The following FBXO21 variants were observed in gnomAD, a reference collection of about 807,000 sequenced individuals.
The protein encoded by FBXO21 is F-box protein 21.
A neutral mutation model predicts 76.6 loss-of-function variants in FBXO21; 32 were observed. The ratio of observed to expected loss-of-function variants is 0.42; its 90% CI spans 0.32 to 0.56. FBXO21 has a LOEUF of 0.56. FBXO21 is among the 20% of genes least tolerant of loss of function. FBXO21 has a pLI of 0.16. For synonymous variants in FBXO21, 328 were observed against 311.5 expected (o/e 1.05, Z -0.56); for missense variants, 586 against 797.3 (o/e 0.73, Z 3.19).
intron 9 of FBXO21, among the ~76,000 whole-genome samples, chr12:117,164,545 G>A (rs1956028695): frequency 6.6e-6 from 1 of 152,032 alleles, no homozygotes; most frequent in African/African-American, 2.4e-5. Flanking sequence ...CAAAGTGCTG[G>A]GATTACAGGC....
In FBXO21 at chr12:117,165,549, T is replaced by G. The variant is rs1277875593; in HGVS notation, c.1262A>C (p.Asp421Ala). 4 of 1,613,884 alleles carry G rather than the reference T, an allele frequency of 2.5e-6. No homozygotes were observed. In the African/African-American group the frequency reaches 5.3e-5, roughly 22 times the overall value. The stretch of plus-strand genomic sequence containing the variant: ...TTGGAGGAGGAGAAGCTGCACCTGG[T>G]CCGGGTACATTGCCAGATAGAGATC... ...SLDLYLAMYP[D>A]QVQLLLLQAR... The change falls in exon 9 of 12, where the codon GAC becomes GCC. Residue 421 changes from aspartate (D) to alanine (A), a missense_variant. Around this residue, in one of 6 missense-constraint regions of FBXO21, gnomAD observed 14 missense variants for 18.3 expected, o/e 0.76. Coordinates refer to ENST00000622495, the MANE Select transcript of FBXO21 (RefSeq NM_015002.3).
intron 7 of FBXO21, among the ~76,000 whole-genome samples, chr12:117,172,173 A>T (rs1479772339): frequency 6.6e-6 from 1 of 152,236 alleles, no homozygotes; most frequent in Non-Finnish European, 1.5e-5. Context: ...CTTATTTTTT[A>T]AAATTAAACT....
At chr12:117,174,145 GA>G (rs1041841480) in intron 6 of FBXO21, 59 bp downstream of exon 6, 60 of 1,384,368 alleles carry the variant, frequency 4.3e-5, no homozygotes, top group Middle Eastern at 2.0e-4. Context: ...TCTAAAAACA[GA>G]AAAAAAAAGT....
chr12:117,179,181 T>C (rs1956204919), intron 3 of FBXO21, among the ~76,000 whole-genome samples: 1 of 152,230 alleles, frequency 6.6e-6, no homozygotes, highest in Non-Finnish European at 1.5e-5. Context: ...TTGTAAAATA[T>C]ATCAATCTAG....
At position 117,190,381 on chromosome 12, in the gene FBXO21, C is replaced by T; in HGVS notation, c.76G>A (p.Gly26Ser). The T allele has an allele frequency of 6.6e-7, 1 of 1,508,526 alleles. No individual in the cohort carries two copies. Among genetic ancestry groups the T allele is most frequent in the Non-Finnish European group, 8.8e-7 (1 of 1,137,310 alleles). The allele number at this position is 1,508,526 out of a possible 1,614,324, so 93.4% of individuals were successfully genotyped here. ...GGCAGGTTGACGAGGCAGCTGAGGC[C>T]CGCTACCTCCGGCGCGGCCTCCTCC... is the stretch of plus-strand genomic sequence containing the variant. ...LAEEAAPEVAGLSCLVNLPGE... is the reference protein window; with the variant it reads ...LAEEAAPEVASLSCLVNLPGE... The change falls in exon 1 of 12, where the codon GGC becomes AGC. Residue 26 changes from glycine to serine, a missense_variant. Physicochemically the swap from Gly to Ser is moderately conservative, Grantham distance 56. Around this residue, in one of 6 missense-constraint regions of FBXO21, gnomAD observed 152 missense variants for 127.2 expected, o/e 1.19. Transcript: ENST00000622495.
chr12:117,166,872 G>C, intron 8 of FBXO21, 26 bp downstream of exon 8: 1 of 1,605,154 alleles, frequency 6.2e-7, no homozygotes, highest in East Asian at 2.2e-5. Flanking sequence ...CTCTGCAGAA[G>C]TACTAGAAAA....
intron 3 of FBXO21, among the ~76,000 whole-genome samples, chr12:117,179,742 T>C (rs1009094900): frequency 2.0e-5 from 3 of 152,228 alleles, no homozygotes; most frequent in Admixed American, 2.0e-4. Flanking sequence ...GATCTGTTCA[T>C]TCATTTGAGG....
At chr12:117,159,017 C>G (rs77962678) in intron 9 of FBXO21, among the ~76,000 whole-genome samples, 1 of 152,224 alleles carries the variant, frequency 6.6e-6, no homozygotes, top group African/African-American at 2.4e-5. Context: ...CCAGATCGGT[C>G]AGACTAGCTG....
chr12:117,178,304 C>A (rs917099525), intron 3 of FBXO21, among the ~76,000 whole-genome samples: 2 of 152,110 alleles, frequency 1.3e-5, no homozygotes, highest in Non-Finnish European at 2.9e-5. Context: ...CAAATTACAT[C>A]CAAAATGTGC....
chr12:117,180,523 G>C (rs1039919287), intron 3 of FBXO21, among the ~76,000 whole-genome samples: 1 of 152,094 alleles, frequency 6.6e-6, no homozygotes, highest in Non-Finnish European at 1.5e-5. Context: ...GGATATCACA[G>C]GTGGTAAAAT....
At chr12:117,182,265 G>A (rs190533876) in intron 3 of FBXO21, among the ~76,000 whole-genome samples, 4 of 152,284 alleles carry the variant, frequency 2.6e-5, no homozygotes, top group Admixed American at 2.6e-4. Context: ...AGGCCAAGGT[G>A]GGAGGATCAC....
At chr12:117,178,671 T>C (rs781668108) in intron 3 of FBXO21, among the ~76,000 whole-genome samples, 18 of 151,630 alleles carry the variant, frequency 1.2e-4, no homozygotes, top group Admixed American at 2.0e-4. Context: ...AGTGCCCTGT[T>C]CTTCTGCCTG....
intron 11 of FBXO21, among the ~76,000 whole-genome samples, chr12:117,148,509 G>C (rs1204486140): frequency 6.6e-6 from 1 of 152,232 alleles, no homozygotes; most frequent in Non-Finnish European, 1.5e-5. Context: ...CACTTAGAAA[G>C]GGCCTGGAAG....
chr12:117,174,255 T>C lies in FBXO21; in HGVS notation c.826A>G (p.Lys276Glu), dbSNP rs1566004478. 6.2e-7 allele frequency: 1 copy of C among 1,613,784 alleles called. No homozygotes were observed. Among genetic ancestry groups the C allele is most frequent in the South Asian group, 1.1e-5 (1 of 91,068 alleles). The change falls in exon 6 of 12, where the codon AAG becomes GAG. Residue 276 changes from lysine (K) to glutamate (E), a missense_variant. Around this residue, in one of 6 missense-constraint regions of FBXO21, gnomAD observed 246 missense variants for 356.8 expected, o/e 0.69. Transcript: ENST00000622495. ...TTATAGTAATCCATTCGATTCCCCT[T>C]GAACTTCAGTTGGTCGTAAAGGACA... Reference protein sequence around the residue: ...NYVLYDQLKFKGNRMDYYNAL... With the variant: ...NYVLYDQLKFEGNRMDYYNAL...
chr12:117,176,017 G>A (rs1186995797), intron 4 of FBXO21, among the ~76,000 whole-genome samples: 2 of 152,210 alleles, frequency 1.3e-5, no homozygotes, highest in Non-Finnish European at 2.9e-5. Flanking sequence ...TTCTAGCAGT[G>A]AGAATTTATT....
intron 9 of FBXO21, among the ~76,000 whole-genome samples, chr12:117,159,299 A>G (rs1955951062): frequency 1.4e-5 from 2 of 143,396 alleles, no homozygotes; most frequent in Non-Finnish European, 1.5e-5. Flanking sequence ...TCAAATTGGG[A>G]GGATTAGGTG....
At chr12:117,158,769 G>C (rs1466616603) in intron 9 of FBXO21, among the ~76,000 whole-genome samples, 1 of 152,212 alleles carries the variant, frequency 6.6e-6, no homozygotes, top group East Asian at 1.9e-4. Context: ...CATCTATGCA[G>C]AGGTTAAACT....
chr12:117,154,222 T>G (rs2840100), intron 11 of FBXO21: 55,116 of 152,080 alleles, frequency 0.36, 11,638 homozygotes, highest in Admixed American at 0.54. Flanking sequence ...TAAATAACAT[T>G]ACCGTTGGTG....
chr12:117,185,463 G>C (rs543858045), intron 3 of FBXO21, among the ~76,000 whole-genome samples: 28 of 152,320 alleles, frequency 1.8e-4, no homozygotes, highest in Non-Finnish European at 3.4e-4. Context: ...TCACTAGAAA[G>C]TTTTCAGAAC....
Sources: allele counts gnomAD v4.1 joint callset (sites outside exome capture counted in the v4.1 genomes callset), GRCh38; gene constraint gnomAD v4.1.1; regional missense constraint gnomAD v4.1.1; transcripts MANE v1.5; gene names NCBI Gene and HGNC (gene_info 2026-07-23, HGNC 2026-07-21).